Variants in NFIA observed in about 807,000 individuals in gnomAD.
The protein encoded by NFIA is nuclear factor I A, also known as nuclear factor 1 A-type.
Under a neutral mutation model 62.8 loss-of-function variants are expected in NFIA, and 8 were observed. That is an observed-to-expected ratio of 0.13 (90% confidence interval 0.07 to 0.23). The LOEUF (loss-of-function observed/expected upper bound fraction) is 0.23, where lower values mean the gene tolerates loss of function less well. Ranked by LOEUF, NFIA falls within the 10% of genes least tolerant of loss-of-function variation. NFIA has a pLI of 1.00. For synonymous variants in NFIA, 235 were observed against 238.1 expected (o/e 0.99, Z 0.12); for missense variants, 410 against 642.1 (o/e 0.64, Z 3.91).
At chr1:61,149,337 T>A (rs1557598837) in intron 2 of NFIA, among the ~76,000 whole-genome samples, 2 of 152,198 alleles carry the variant, frequency 1.3e-5, no homozygotes, top group Non-Finnish European at 2.9e-5. Context: ...AATAATATAT[T>A]TTTTAAAATT....
At chr1:61,163,497 ATTTTATAGT>A (rs978410993) in intron 2 of NFIA, among the ~76,000 whole-genome samples, 1 of 152,144 alleles carries the variant, frequency 6.6e-6, no homozygotes, top group African/African-American at 2.4e-5. Flanking sequence ...TTTGCCTAGA[ATTTTATAGT>A]TCCAGTAAAT....
chr1:61,271,192 T>C (rs570401824), intron 2 of NFIA, among the ~76,000 whole-genome samples: 2 of 152,344 alleles, frequency 1.3e-5, no homozygotes, highest in Admixed American at 1.3e-4. Flanking sequence ...CAACAATAGT[T>C]ATGCCATTTC....
intron 7 of NFIA, among the ~76,000 whole-genome samples, chr1:61,395,286 G>T (rs977734675): frequency 1.3e-4 from 18 of 134,362 alleles, no homozygotes; most frequent in East Asian, 1.0e-3. Flanking sequence ...GTGTGTGTGT[G>T]TGTTTTTTTT....
intron 2 of NFIA, among the ~76,000 whole-genome samples, chr1:61,196,138 G>T (rs1651974656): frequency 6.6e-6 from 1 of 152,136 alleles, no homozygotes; most frequent in Non-Finnish European, 1.5e-5. Context: ...ATGTGTAGGT[G>T]CTTTATATGT....
At chr1:61,183,781 T>G (rs1650921932) in intron 2 of NFIA, among the ~76,000 whole-genome samples, 1 of 152,174 alleles carries the variant, frequency 6.6e-6, no homozygotes, top group Non-Finnish European at 1.5e-5. Context: ...CCGTGCCTTT[T>G]AGCCAAAGAG....
At chr1:61,216,919 G>A (rs1202181830) in intron 2 of NFIA, among the ~76,000 whole-genome samples, 1 of 151,848 alleles carries the variant, frequency 6.6e-6, no homozygotes, top group African/African-American at 2.4e-5. Flanking sequence ...AGAATCGCTT[G>A]AACCTGGGAG....
intron 2 of NFIA, among the ~76,000 whole-genome samples, chr1:61,229,951 G>C (rs1570419113): frequency 6.6e-6 from 1 of 152,158 alleles, no homozygotes; most frequent in African/African-American, 2.4e-5. Flanking sequence ...AGAAAACAAA[G>C]ATGGCTGCTA....
At chr1:61,441,331 G>GTGTGTCTGTCTGTC (rs1360188951) in intron 10 of NFIA, among the ~76,000 whole-genome samples, 9 of 142,346 alleles carry the variant, frequency 6.3e-5, no homozygotes, top group African/African-American at 2.4e-4. Flanking sequence ...GTGTGTGTGT[G>GTGTGTCTGTCTGTC]TGTCTGTCTG....
Position 61,395,003 on chromosome 1 carries a change from A to G in NFIA, c.1076-9101A>G, listed in dbSNP as rs543085845. Among the ~76,000 whole-genome samples, 4 of 152,234 alleles carry G rather than the reference A, an allele frequency of 2.6e-5. No homozygotes were observed. The East Asian group carries it at 7.7e-4, about 29-fold the overall frequency. ...ATGCTTGCAGTCTCAGCCACTTGGG[A>G]GGCTGAGGTGGGAGGATCGCTTGAG... is the stretch of plus-strand genomic sequence containing the variant. On this transcript the variant is annotated intron_variant, in intron 7 of 10. Coordinates refer to ENST00000403491, the MANE Select transcript of NFIA (RefSeq NM_001134673.4).
intron 2 of NFIA, among the ~76,000 whole-genome samples, chr1:61,158,393 G>A (rs1648956696): frequency 6.6e-6 from 1 of 152,056 alleles, no homozygotes; most frequent in Middle Eastern, 3.2e-3. Context: ...CTACTACCCT[G>A]ATTTACTAAT....
intron 2 of NFIA, among the ~76,000 whole-genome samples, chr1:61,190,695 C>G (rs1427339360): frequency 6.6e-6 from 1 of 152,182 alleles, no homozygotes; most frequent in Admixed American, 6.5e-5. Context: ...TACACAGTTT[C>G]TAATTAGAAT....
intron 3 of NFIA, among the ~76,000 whole-genome samples, chr1:61,329,049 C>CTTTTTTTTT (rs369972455): frequency 7.4e-5 from 9 of 122,438 alleles, no homozygotes; most frequent in Non-Finnish European, 1.0e-4. Context: ...TTCTTTTTTT[C>CTTTTTTTTT]TTTTTTTTTT....
intron 2 of NFIA, among the ~76,000 whole-genome samples, chr1:61,215,926 C>G (rs1347747725): frequency 6.6e-6 from 1 of 152,170 alleles, no homozygotes; most frequent in Non-Finnish European, 1.5e-5. Flanking sequence ...CATTCACGTA[C>G]CTTGCTTTGG....
chr1:61,361,254 C>T (rs1663275098), intron 6 of NFIA, among the ~76,000 whole-genome samples: 1 of 152,088 alleles, frequency 6.6e-6, no homozygotes, highest in Non-Finnish European at 1.5e-5. Flanking sequence ...AGAAATAGTC[C>T]CAGCCCTAAA....
chr1:61,165,495 A>T (rs1292096686), intron 2 of NFIA, among the ~76,000 whole-genome samples: 8 of 152,222 alleles, frequency 5.3e-5, no homozygotes, highest in Non-Finnish European at 8.8e-5. Context: ...AAGTTTGAAG[A>T]ACTCCAAATC....
chr1:61,241,702 A>G (rs1655357795), intron 2 of NFIA, among the ~76,000 whole-genome samples: 1 of 151,888 alleles, frequency 6.6e-6, no homozygotes, highest in Non-Finnish European at 1.5e-5. Flanking sequence ...AAAAACCACA[A>G]ACCCGAAGAT....
At chr1:61,177,650 CTATTGTG>C (rs888757303) in intron 2 of NFIA, among the ~76,000 whole-genome samples, 1 of 127,474 alleles carries the variant, frequency 7.8e-6, no homozygotes, top group Non-Finnish European at 1.7e-5. Flanking sequence ...AATGTTTTCT[CTATTGTG>C]TGTGTGTGTG....
intron 9 of NFIA, among the ~76,000 whole-genome samples, chr1:61,410,187 T>C (rs1666035297): frequency 6.6e-6 from 1 of 152,096 alleles, no homozygotes; most frequent in African/African-American, 2.4e-5. Flanking sequence ...GGGAGGGAGT[T>C]TGGTCCAGTG....
chr1:61,226,906 G>A (rs1459383820), intron 2 of NFIA, among the ~76,000 whole-genome samples: 1 of 152,040 alleles, frequency 6.6e-6, no homozygotes, highest in Admixed American at 6.5e-5. Flanking sequence ...TTAACCTCCC[G>A]GCTGCTTTTC....
Sources: allele counts gnomAD v4.1 joint callset (sites outside exome capture counted in the v4.1 genomes callset), GRCh38; gene constraint gnomAD v4.1.1; transcripts MANE v1.5; gene names NCBI Gene and HGNC (gene_info 2026-07-23, HGNC 2026-07-21).